Variants in CSMD1 observed in about 807,000 individuals in gnomAD.
CSMD1 encodes the protein CUB and Sushi multiple domains 1.
CSMD1 carries 213 observed loss-of-function variants against 417.5 expected under a neutral mutation model. That is an observed-to-expected ratio of 0.51 (90% CI 0.46 to 0.57). The LOEUF (loss-of-function observed/expected upper bound fraction) is 0.57, where lower values mean the gene tolerates loss of function less well. CSMD1 is among the 20% of genes least tolerant of loss of function. The pLI, the probability that CSMD1 is intolerant of heterozygous loss-of-function variation, is 0.00. For missense variants in CSMD1, 6,923 were observed against 4,529.7 expected (o/e 1.53, Z -15.17); for synonymous variants, 2,862 against 1,736.8 (o/e 1.65, Z -16.11).
intron 12 of CSMD1, among the ~76,000 whole-genome samples, chr8:3,455,965 C>T (rs550814669): frequency 1.2e-3 from 184 of 152,284 alleles, no homozygotes; most frequent in Non-Finnish European, 2.0e-3. Context: ...CCACCCAGTT[C>T]GAGCTTCCGG....
chr8:3,509,122 G>A (rs1796956935), intron 10 of CSMD1, among the ~76,000 whole-genome samples: 1 of 152,124 alleles, frequency 6.6e-6, no homozygotes, highest in Non-Finnish European at 1.5e-5. Flanking sequence ...GGATTCTTAT[G>A]AGAATTTACT....
intron 47 of CSMD1, 131 bp downstream of exon 47, chr8:3,096,718 T>C (rs947129165): frequency 3.0e-6 from 2 of 664,920 alleles, no homozygotes; most frequent in Admixed American, 6.2e-5. Context: ...ACTAGTTTAT[T>C]TTTTGTTTGC....
chr8:4,654,089 T>C (rs946954791), intron 1 of CSMD1, among the ~76,000 whole-genome samples: 2 of 152,140 alleles, frequency 1.3e-5, no homozygotes, highest in Non-Finnish European at 2.9e-5. Context: ...AACTTTTTTC[T>C]TTCCCGGTGC....
At chr8:3,041,197 G>GGAC (rs1811067314) in intron 50 of CSMD1, among the ~76,000 whole-genome samples, 1 of 152,046 alleles carries the variant, frequency 6.6e-6, no homozygotes, top group Admixed American at 6.6e-5. Flanking sequence ...ATTTTACAGG[G>GGAC]TTAAAGCAAA....
chr8:4,738,903 T>TAGTGTGTGTGTGTGTGTGTG (rs140973405), intron 1 of CSMD1, among the ~76,000 whole-genome samples: 1 of 147,396 alleles, frequency 6.8e-6, no homozygotes, highest in South Asian at 2.1e-4. Context: ...TTCTGTGTGT[T>TAGTGTGTGTGTGTGTGTGTG]TGTGTGTGTG....
At chr8:3,424,662 C>G (rs1426633949) in intron 12 of CSMD1, among the ~76,000 whole-genome samples, 1 of 152,146 alleles carries the variant, frequency 6.6e-6, no homozygotes, top group Non-Finnish European at 1.5e-5. Context: ...ATGTGTGTTT[C>G]TGTGATTACA....
chr8:3,528,328 C>G (rs998110922), intron 10 of CSMD1, among the ~76,000 whole-genome samples: 1 of 152,194 alleles, frequency 6.6e-6, no homozygotes, highest in East Asian at 1.9e-4. Context: ...TTCTTCCCCT[C>G]TCTATTTATA....
chr8:3,667,041 A>T (rs138611373), intron 7 of CSMD1, among the ~76,000 whole-genome samples: 1,850 of 152,298 alleles, frequency 0.012, 40 homozygotes, highest in African/African-American at 0.042. Flanking sequence ...AAGTATGCTC[A>T]GATCCTTTCA....
chr8:4,014,148 T>C (rs1217645940), intron 4 of CSMD1, among the ~76,000 whole-genome samples: 1 of 152,168 alleles, frequency 6.6e-6, no homozygotes, highest in Non-Finnish European at 1.5e-5. Context: ...ATATTAATTG[T>C]GGTGAACTGT....
At chr8:4,544,203 C>A (rs1310828948) in intron 2 of CSMD1, among the ~76,000 whole-genome samples, 1 of 152,132 alleles carries the variant, frequency 6.6e-6, no homozygotes, top group East Asian at 1.9e-4. Context: ...CTAAAGCCAT[C>A]TGAGTTTCCT....
intron 3 of CSMD1, among the ~76,000 whole-genome samples, chr8:4,101,327 AAG>A (rs1204352736): frequency 2.0e-5 from 3 of 152,302 alleles, no homozygotes; most frequent in South Asian, 4.2e-4. Flanking sequence ...TGTGGAAGGA[AAG>A]ACAGTGCAAA....
intron 36 of CSMD1, among the ~76,000 whole-genome samples, chr8:3,182,384 T>G (rs988330994): frequency 6.6e-6 from 1 of 152,058 alleles, no homozygotes; most frequent in Admixed American, 6.6e-5. Context: ...CCTGCTAAGT[T>G]TTGTATTTTT....
At chr8:4,120,320 T>C (rs546166293) in intron 3 of CSMD1, among the ~76,000 whole-genome samples, 2 of 152,344 alleles carry the variant, frequency 1.3e-5, no homozygotes, top group South Asian at 4.1e-4. Context: ...TTCAATTTTA[T>C]TGATTACTTA....
intron 7 of CSMD1, among the ~76,000 whole-genome samples, chr8:3,618,083 C>T (rs1802234041): frequency 6.6e-6 from 1 of 152,022 alleles, no homozygotes; most frequent in Admixed American, 6.6e-5. Flanking sequence ...ATCACTGCAG[C>T]CTCAACCTCC....
intron 5 of CSMD1, among the ~76,000 whole-genome samples, chr8:3,834,430 GC>G (rs2129089547): frequency 6.6e-6 from 1 of 152,242 alleles, no homozygotes; most frequent in South Asian, 2.1e-4. Flanking sequence ...TGGAAGTGGG[GC>G]AGACTCACTG....
chr8:4,101,042 G>A (rs1801278309), intron 3 of CSMD1, among the ~76,000 whole-genome samples: 1 of 152,166 alleles, frequency 6.6e-6, no homozygotes, highest in Non-Finnish European at 1.5e-5. Context: ...GCAGAATGAT[G>A]CAAAGGCAGA....
chr8:4,263,676 A>G (rs1169011147), intron 3 of CSMD1, among the ~76,000 whole-genome samples: 4 of 152,214 alleles, frequency 2.6e-5, no homozygotes, highest in African/African-American at 9.6e-5. Flanking sequence ...ATTTTGAATT[A>G]TTTATATCAC....
intron 3 of CSMD1, among the ~76,000 whole-genome samples, chr8:4,411,803 A>G (rs537419598): frequency 3.9e-4 from 59 of 152,338 alleles, no homozygotes; most frequent in African/African-American, 1.4e-3. Context: ...TGGCATATGC[A>G]TTCACATAGC....
intron 25 of CSMD1, among the ~76,000 whole-genome samples, chr8:3,299,850 G>C (rs185113055): frequency 1.3e-5 from 2 of 152,292 alleles, no homozygotes; most frequent in Admixed American, 6.5e-5. Context: ...CCTTTGTCCA[G>C]TTTCAGAGAG....
Sources: allele counts gnomAD v4.1 joint callset (sites outside exome capture counted in the v4.1 genomes callset), GRCh38; gene constraint gnomAD v4.1.1; transcripts MANE v1.5; gene names NCBI Gene and HGNC (gene_info 2026-07-23, HGNC 2026-07-21).